The following TOX variants were observed in gnomAD, a reference collection of about 807,000 sequenced individuals.
TOX encodes thymocyte selection-associated high mobility group box protein TOX.
In TOX, 11 loss-of-function variants were observed where a neutral mutation model predicts 53.7. The ratio of observed to expected loss-of-function variants is 0.20; its 90% CI spans 0.13 to 0.34. The LOEUF is 0.34. TOX is among the 10% of genes least tolerant of loss of function. The probability of loss-of-function intolerance (pLI) is 1.00; values close to 1 mark genes in which losing one functional copy is unlikely to be tolerated. For synonymous variants in TOX, 225 were observed against 245.3 expected (o/e 0.92, Z 0.77); for missense variants, 570 against 664.6 (o/e 0.86, Z 1.56).
Position 58,851,476 on chromosome 8 carries a change from G to T in TOX, c.693+48C>A. On this transcript the variant is annotated intron_variant, in intron 4 of 8. Coordinates refer to ENST00000361421, the MANE Select transcript of TOX (RefSeq NM_014729.3). This position sits in a 1 kb window ranked among gnomAD's most constrained non-coding sequence, Gnocchi z 4.4. ...TTGTACCCAGCACAGGTCAAAGAAGGTGCCTAAGAATAGTCTCCCATAGGT... is the reference window on the plus strand; with the variant it reads ...TTGTACCCAGCACAGGTCAAAGAAGTTGCCTAAGAATAGTCTCCCATAGGT... 1 of 1,595,840 alleles carries T rather than the reference G, an allele frequency of 6.3e-7. No homozygotes were observed. Among genetic ancestry groups the T allele is most frequent in the Non-Finnish European group, 8.6e-7 (1 of 1,168,938 alleles).
At chr8:58,948,079 C>T (rs1212614870) in intron 2 of TOX, among the ~76,000 whole-genome samples, 1 of 152,180 alleles carries the variant, frequency 6.6e-6, no homozygotes, top group Non-Finnish European at 1.5e-5. Context: ...GCCGGAGTGA[C>T]ACCAGAACAC....
intron 2 of TOX, among the ~76,000 whole-genome samples, chr8:58,957,810 AT>A (rs138459417): frequency 5.8e-4 from 87 of 149,920 alleles, no homozygotes; most frequent in East Asian, 4.7e-3. Flanking sequence ...GGAAAAAACT[AT>A]TTTTTTTTTC....
rs143343596 is a variant in TOX at position 58,815,594 on chromosome 8, G to T, written c.1136C>A (p.Pro379Gln). 16 of 1,614,032 alleles carry T rather than the reference G, an allele frequency of 9.9e-6. No individual in the cohort carries two copies. The highest frequency in any genetic ancestry group is 1.3e-5 in the African/African-American group (1 of 74,916). ...GGCAGTTAGGTGAGGATTCATTCCC[G>T]GTTGTTGGTGATAGTGGGAACTTAG... ...LYLSSHYHQQ[P>Q]GMNPHLTAMH... The change falls in exon 7 of 9, where the codon CCG (proline) becomes CAG (glutamine). Residue 379 changes from proline (P) to glutamine (Q), a missense_variant. Around this residue, in one of 3 missense-constraint regions of TOX, gnomAD observed 239 missense variants for 250.7 expected, o/e 0.95. Coordinates refer to ENST00000361421, the MANE Select transcript of TOX (RefSeq NM_014729.3).
At position 58,953,105 on chromosome 8, in the gene TOX, A is replaced by G. The variant is rs938779635; in HGVS notation, c.168+6838T>C. ...ATGATCATTTTAGCTAATGGAGTCA[A>G]TACCCAACTAAAATAATAATAATAA... On this transcript the variant is annotated intron_variant, in intron 2 of 8. Transcript: ENST00000361421. Among the ~76,000 whole-genome samples the G allele has an allele frequency of 1.2e-4, 18 of 152,074 alleles. 1 individual carries two copies.
chr8:58,838,028 A>C, intron 5 of TOX, 53 bp downstream of exon 5: 1 of 1,563,970 alleles, frequency 6.4e-7, no homozygotes, highest in Non-Finnish European at 8.8e-7. Flanking sequence ...CCATTTCTTC[A>C]GACTGCACAA....
At chr8:59,083,483 T>TA (rs1438940518) in intron 1 of TOX, among the ~76,000 whole-genome samples, 1 of 152,206 alleles carries the variant, frequency 6.6e-6, no homozygotes, top group Non-Finnish European at 1.5e-5. Context: ...ATTTCAATTT[T>TA]AAAATCAACA....
rs543563045 is a variant in TOX, at chr8:58,869,025, C to T, written c.412-17220G>A. 2.6e-5 allele frequency among the ~76,000 whole-genome samples: 4 copies of T among 151,636 alleles called. No individual in the cohort carries two copies. In the East Asian group the frequency reaches 7.8e-4, roughly 29 times the overall value. On this transcript the variant is annotated intron_variant, in intron 3 of 8. Coordinates refer to ENST00000361421, the MANE Select transcript of TOX (RefSeq NM_014729.3). ...TACTGATCTCAAGGACATTAAAAAG[C>T]TAATAATCCTGGCCAACATGGTGAA...
At chr8:59,098,203 C>T (rs1804746798) in intron 1 of TOX, among the ~76,000 whole-genome samples, 2 of 152,202 alleles carry the variant, frequency 1.3e-5, no homozygotes, top group Non-Finnish European at 2.9e-5. Flanking sequence ...AACGCCAGAA[C>T]AGTAAGAGAG....
intron 1 of TOX, among the ~76,000 whole-genome samples, chr8:58,984,075 G>T (rs1024892358): frequency 1.3e-5 from 2 of 152,166 alleles, no homozygotes; most frequent in African/African-American, 2.4e-5. Flanking sequence ...AAACCCATCT[G>T]ATGGATAAAA....
At chr8:59,065,269 A>C (rs1585997645) in intron 1 of TOX, among the ~76,000 whole-genome samples, 1 of 152,228 alleles carries the variant, frequency 6.6e-6, no homozygotes, top group South Asian at 2.1e-4. Flanking sequence ...AGAACTACCA[A>C]ATATAATCAC....
At chr8:58,938,872 G>A (rs1585912529) in intron 3 of TOX, among the ~76,000 whole-genome samples, 1 of 152,170 alleles carries the variant, frequency 6.6e-6, no homozygotes, top group African/African-American at 2.4e-5. Flanking sequence ...GTATACATTT[G>A]TGGAAATTGA....
rs1554540361 is a variant in TOX at position 59,027,451 on chromosome 8, T to TTG, written c.103-67444_103-67443insCA. 5.6e-5 allele frequency among the ~76,000 whole-genome samples: 6 copies of TTG among 106,556 alleles called. No homozygotes were observed. In the East Asian group the frequency reaches 1.1e-3, roughly 19 times the overall value. The allele number at this position is 106,556 out of a possible 152,430, so 69.9% of individuals were successfully genotyped here. A position where few individuals can be genotyped will look rare whatever the true frequency, so the allele number is the denominator to read the frequency against. On this transcript the variant is annotated intron_variant, in intron 1 of 8. Transcript: ENST00000361421. ...GGGTCCTTATGTCATAGGAACAAGG[T>TTG]TTTTTTTTTTAAATTTTTCAATGAA... is the stretch of plus-strand genomic sequence containing the variant.
chr8:58,911,544 T>C (rs1811907468), intron 3 of TOX, among the ~76,000 whole-genome samples: 1 of 152,204 alleles, frequency 6.6e-6, no homozygotes, highest in African/African-American at 2.4e-5. Flanking sequence ...AAGTATTCTA[T>C]CTTACATAGG....
chr8:58,805,966 C>A lies in TOX; in HGVS notation c.*1781G>T, dbSNP rs1443756811. On this transcript the variant is annotated 3_prime_UTR_variant, in exon 9 of 9. Transcript: ENST00000361421. ...CATATATTTGTATTTAGTTAAACTG[C>A]TAAATTTATTTCACATATTCCAAGA... is the stretch of plus-strand genomic sequence containing the variant. The A allele has an allele frequency of 6.6e-6, 1 of 152,638 alleles. No individual in the cohort carries two copies. Among genetic ancestry groups the A allele is most frequent in the Non-Finnish European group, 1.5e-5 (1 of 68,042 alleles). The allele number at this position is 152,638 out of a possible 1,614,324, so 9.5% of individuals were successfully genotyped here.
Position 58,807,830 on chromosome 8 carries a change from G to C in TOX, c.1545-47C>G, listed in dbSNP as rs755550222. 2.5e-6 allele frequency: 4 copies of C among 1,605,080 alleles called. No individual in the cohort carries two copies. The African/African-American group carries it at 5.4e-5, about 21-fold the overall frequency. Reference sequence around the variant, plus strand: ...AGTTCCTTGTTACAGGACAACCTGTGCTACAGGTGACAATGGGGGGATGGA... The same window carrying C: ...AGTTCCTTGTTACAGGACAACCTGTCCTACAGGTGACAATGGGGGGATGGA... On this transcript the variant is annotated intron_variant, in intron 8 of 8. Coordinates refer to ENST00000361421, the MANE Select transcript of TOX (RefSeq NM_014729.3).
intron 2 of TOX, among the ~76,000 whole-genome samples, chr8:58,956,683 C>T (rs762079295): frequency 6.6e-6 from 1 of 152,204 alleles, no homozygotes; most frequent in Non-Finnish European, 1.5e-5. Context: ...CTCACTGCAA[C>T]CTCCACCTCG....
Position 59,011,687 on chromosome 8 carries a change from G to A in TOX, c.103-51679C>T, listed in dbSNP as rs558085241. 2.0e-5 allele frequency among the ~76,000 whole-genome samples: 3 copies of A among 152,072 alleles called. No homozygotes were observed. The East Asian group carries it at 5.8e-4, about 29-fold the overall frequency. On this transcript the variant is annotated intron_variant, in intron 1 of 8. Transcript: ENST00000361421. ...CTCCTCTCTTCCTGTTAGTTTCCTA[G>A]TTTGTAAAATGGGAGTAATAGTAAT...
chr8:58,994,548 G>A (rs534693666), intron 1 of TOX, among the ~76,000 whole-genome samples: 1 of 152,210 alleles, frequency 6.6e-6, no homozygotes, highest in South Asian at 2.1e-4. Flanking sequence ...TGTCCTGAAT[G>A]ACTGGTAATT....
intron 1 of TOX, among the ~76,000 whole-genome samples, chr8:58,979,056 G>A (rs944515552): frequency 1.3e-5 from 2 of 152,048 alleles, no homozygotes; most frequent in African/African-American, 4.8e-5. Flanking sequence ...TTAACATTAG[G>A]GAAGGGTTAC....
Sources: allele counts gnomAD v4.1 joint callset (sites outside exome capture counted in the v4.1 genomes callset), GRCh38; gene constraint gnomAD v4.1.1; regional missense constraint gnomAD v4.1.1; non-coding constraint Gnocchi (gnomAD v3.1); transcripts MANE v1.5; gene names NCBI Gene and HGNC (gene_info 2026-07-23, HGNC 2026-07-21).